The following GALNT17 variants were observed in gnomAD, a reference collection of about 807,000 sequenced individuals.
GALNT17 encodes the protein polypeptide N-acetylgalactosaminyltransferase 17, also known as UDP-GalNAc:polypeptide N-acetylgalactosaminyltransferase-like 3.
In GALNT17, 29 loss-of-function variants were observed where a neutral mutation model predicts 63.7. The ratio of observed to expected loss-of-function variants is 0.46; its 90% CI spans 0.34 to 0.62. The LOEUF (loss-of-function observed/expected upper bound fraction) is 0.62, where lower values mean the gene tolerates loss of function less well. GALNT17 is among the 20% of genes least tolerant of loss of function. The pLI is 0.01. For synonymous variants in GALNT17, 305 were observed against 318.3 expected (o/e 0.96, Z 0.45); for missense variants, 603 against 799.6 (o/e 0.75, Z 2.97).
At chr7:71,362,226 G>C (rs1404887482) in intron 2 of GALNT17, among the ~76,000 whole-genome samples, 1 of 152,136 alleles carries the variant, frequency 6.6e-6, no homozygotes, top group Non-Finnish European at 1.5e-5. Context: ...CCAAAATGTT[G>C]GGATTATAGG....
chr7:71,582,011 G>C (rs142126753), intron 6 of GALNT17, among the ~76,000 whole-genome samples: 1 of 152,068 alleles, frequency 6.6e-6, no homozygotes, highest in Non-Finnish European at 1.5e-5. Flanking sequence ...TGGTTTGAGC[G>C]TGTGAGTTAC....
intron 9 of GALNT17, among the ~76,000 whole-genome samples, chr7:71,697,972 CATT>C (rs1019995169): frequency 1.3e-5 from 2 of 151,654 alleles, no homozygotes; most frequent in African/African-American, 4.8e-5. Context: ...AAAGTACAAA[CATT>C]AGCCAGGCAT....
At chr7:71,160,366 C>G (rs539014912) in intron 1 of GALNT17, among the ~76,000 whole-genome samples, 1 of 152,266 alleles carries the variant, frequency 6.6e-6, no homozygotes, top group South Asian at 2.1e-4. Context: ...CGTTGAGTTC[C>G]TTCAATGATT....
intron 5 of GALNT17, among the ~76,000 whole-genome samples, chr7:71,470,592 A>T (rs145937061): frequency 1.4e-3 from 211 of 152,232 alleles, no homozygotes; most frequent in African/African-American, 4.9e-3. Flanking sequence ...AGACGATGTG[A>T]TATAAAAACT....
intron 1 of GALNT17, among the ~76,000 whole-genome samples, chr7:71,215,445 A>T (rs914262055): frequency 2.0e-5 from 3 of 152,224 alleles, no homozygotes; most frequent in Non-Finnish European, 4.4e-5. Context: ...ACTCTAAAAA[A>T]TGAAGATAAT....
chr7:71,564,420 G>A (rs538859831), intron 5 of GALNT17, among the ~76,000 whole-genome samples: 1 of 151,366 alleles, frequency 6.6e-6, no homozygotes, highest in South Asian at 2.1e-4. Flanking sequence ...CCAAGTAGCT[G>A]GGATTACAGG....
chr7:71,387,118 G>A (rs138870343), intron 2 of GALNT17, among the ~76,000 whole-genome samples: 5 of 151,948 alleles, frequency 3.3e-5, no homozygotes, highest in African/African-American at 1.2e-4. Context: ...GTGGGTGATG[G>A]GGGCTTAATC....
At chr7:71,589,140 G>A (rs1789762578) in intron 6 of GALNT17, among the ~76,000 whole-genome samples, 2 of 152,134 alleles carry the variant, frequency 1.3e-5, no homozygotes, top group African/African-American at 4.8e-5. Context: ...GGTCTTCTTT[G>A]TAATTTTCAT....
intron 1 of GALNT17, among the ~76,000 whole-genome samples, chr7:71,241,272 G>T (rs1789990737): frequency 6.6e-6 from 1 of 152,166 alleles, no homozygotes. Context: ...AGTTGTTTGG[G>T]TAAGTAAGCT....
chr7:71,415,849 G>C (rs746976244), intron 3 of GALNT17, 40 bp from the exon 4 acceptor site: 1 of 1,515,366 alleles, frequency 6.6e-7, no homozygotes, highest in Non-Finnish European at 8.9e-7. Flanking sequence ...AATTTGAAAT[G>C]ACATGTTTAT....
intron 2 of GALNT17, among the ~76,000 whole-genome samples, chr7:71,380,009 G>C (rs1344408359): frequency 4.6e-5 from 7 of 152,146 alleles, no homozygotes; most frequent in Non-Finnish European, 1.0e-4. Context: ...AGATAGGAAT[G>C]GGGGAGGAAT....
chr7:71,525,633 A>G (rs902906077), intron 5 of GALNT17, among the ~76,000 whole-genome samples: 26 of 148,514 alleles, frequency 1.8e-4, no homozygotes, highest in Admixed American at 2.7e-4. Flanking sequence ...GCCTTCTGTC[A>G]TAATCATGAG....
chr7:71,696,179 CAT>C (rs1791540324), intron 9 of GALNT17, among the ~76,000 whole-genome samples: 1 of 152,142 alleles, frequency 6.6e-6, no homozygotes. Context: ...GTGGTGCAGT[CAT>C]AGTTCACTGC....
intron 9 of GALNT17, among the ~76,000 whole-genome samples, chr7:71,696,639 T>C (rs1791549965): frequency 6.6e-6 from 1 of 152,262 alleles, no homozygotes; most frequent in Middle Eastern, 3.4e-3. Flanking sequence ...TAAATTTGGG[T>C]TAATAGTTGT....
chr7:71,579,266 G>A (rs1789588364), intron 6 of GALNT17, among the ~76,000 whole-genome samples: 1 of 152,134 alleles, frequency 6.6e-6, no homozygotes, highest in Admixed American at 6.5e-5. Context: ...TTCATGGAGG[G>A]GAATGTATGA....
At chr7:71,294,950 G>T (rs1017385435) in intron 1 of GALNT17, among the ~76,000 whole-genome samples, 3 of 152,046 alleles carry the variant, frequency 2.0e-5, no homozygotes, top group Non-Finnish European at 1.5e-5. Flanking sequence ...CATTAATGTT[G>T]AAGCTTATCT....
intron 5 of GALNT17, among the ~76,000 whole-genome samples, chr7:71,430,194 T>C (rs1308815820): frequency 1.3e-5 from 2 of 152,160 alleles, no homozygotes; most frequent in Non-Finnish European, 1.5e-5. Context: ...TCAGTTGTGT[T>C]TTGTTATGAA....
intron 6 of GALNT17, among the ~76,000 whole-genome samples, chr7:71,643,509 A>C (rs1016958948): frequency 5.3e-5 from 8 of 152,196 alleles, no homozygotes; most frequent in Non-Finnish European, 7.3e-5. Context: ...CAGCATTTTT[A>C]CAAAAGGGAA....
chr7:71,623,363 C>T (rs1790323861), intron 6 of GALNT17, among the ~76,000 whole-genome samples: 1 of 149,260 alleles, frequency 6.7e-6, no homozygotes, highest in South Asian at 2.1e-4. Flanking sequence ...AGCCTTCGTA[C>T]GTGTAAGCGC....
Sources: gnomAD v4.1 joint callset for allele counts (sites outside exome capture counted in the v4.1 genomes callset) on GRCh38, gnomAD v4.1.1 for gene constraint, MANE v1.5 for transcripts, NCBI Gene and HGNC (gene_info 2026-07-23, HGNC 2026-07-21) for gene names.